Variants in NETO1 observed in about 807,000 individuals in gnomAD.
NETO1 encodes neuropilin and tolloid like 1.
A neutral mutation model predicts 61.3 loss-of-function variants in NETO1; 26 were observed. That is an observed-to-expected ratio of 0.42 (90% CI 0.31 to 0.59). The LOEUF is 0.59. Ranked by LOEUF, NETO1 falls within the 20% of genes least tolerant of loss-of-function variation. NETO1 has a pLI of 0.12. For synonymous variants in NETO1, 225 were observed against 225.8 expected, an observed-to-expected ratio of 1.00 and a Z score of 0.03; for missense variants, 531 against 662.8, an observed-to-expected ratio of 0.80 and a Z score of 2.18.
chr18:72,799,592 C>T (rs2145308511), intron 4 of NETO1, among the ~76,000 whole-genome samples: 1 of 152,200 alleles, frequency 6.6e-6, no homozygotes, highest in East Asian at 1.9e-4. Flanking sequence ...TACAGAAATG[C>T]TGTGCTGGCT....
Position 72,867,548 on chromosome 18 carries a change from T to C in NETO1, c.-257A>G, listed in dbSNP as rs2145716682. On this transcript the variant is annotated 5_prime_UTR_variant, in exon 1 of 11. An upstream start codon of the reference 5' UTR is lost. Coordinates refer to ENST00000327305, the MANE Select transcript of NETO1 (RefSeq NM_138966.5). The stretch of plus-strand genomic sequence containing the variant: ...CCTCAGCGCCGCGCAGCCAGCAGCA[T>C]CCCCACCGTGACGCTCGCATCACAC... 2.8e-6 allele frequency: 1 copy of C among 360,408 alleles called. No individual in the cohort carries two copies. The highest frequency in any genetic ancestry group is 4.0e-5 in the East Asian group (1 of 25,068). The allele number at this position is 360,408 out of a possible 1,614,324, so 22.3% of individuals were successfully genotyped here. A position where few individuals can be genotyped will look rare whatever the true frequency, so the allele number is the denominator to read the frequency against.
intron 7 of NETO1, among the ~76,000 whole-genome samples, chr18:72,772,825 CTATATATATATATATATATATATATA>C (rs59339805): frequency 0.29 from 11,643 of 40,840 alleles, 1,213 homozygotes; most frequent in Middle Eastern, 0.51. Flanking sequence ...CTCTCTCTCT[CTATATATATATATATATATATATATA>C]TATATATATA....
At chr18:72,797,005 C>A (rs2072338679) in intron 4 of NETO1, among the ~76,000 whole-genome samples, 1 of 152,126 alleles carries the variant, frequency 6.6e-6, no homozygotes, top group African/African-American at 2.4e-5. Flanking sequence ...TCTCATCAAG[C>A]AGTTCCATTG....
intron 7 of NETO1, among the ~76,000 whole-genome samples, chr18:72,760,777 G>C (rs1411953600): frequency 6.6e-6 from 1 of 152,144 alleles, no homozygotes; most frequent in East Asian, 1.9e-4. Flanking sequence ...AACCGTTTTA[G>C]GAGAGTACTG....
At position 72,772,792 on chromosome 18, in the gene NETO1, GTTCTCTCT is replaced by G. The variant is rs1409203275; in HGVS notation, c.868+10878_868+10885del. Among the ~76,000 whole-genome samples the G allele has an allele frequency of 1.2e-3, 47 of 40,660 alleles. 2 individuals carry two copies. The highest frequency in any genetic ancestry group is 3.6e-3 in the East Asian group (4 of 1,126). 26.7% of individuals were successfully genotyped at this position (40,660 alleles called of 152,430 possible). On this transcript the variant is annotated intron_variant, in intron 7 of 10. Transcript: ENST00000327305. The stretch of plus-strand genomic sequence containing the variant: ...ATATATATATACAGATCTCTATATA[GTTCTCTCT>G]CTCTCTCTCTCTCTCTCTCTCTCTC...
At chr18:72,781,568 G>A (rs2071741740) in intron 7 of NETO1, among the ~76,000 whole-genome samples, 1 of 152,164 alleles carries the variant, frequency 6.6e-6, no homozygotes, top group African/African-American at 2.4e-5. Context: ...AGATGATGGT[G>A]TCAAGACTTA....
chr18:72,813,272 T>C (rs2072927585), intron 4 of NETO1, among the ~76,000 whole-genome samples: 1 of 152,184 alleles, frequency 6.6e-6, no homozygotes, highest in Non-Finnish European at 1.5e-5. Context: ...TCTTAAACCA[T>C]ACATTTAAGT....
Position 72,747,418 on chromosome 18 carries a change from T to G in NETO1, c.*761A>C, listed in dbSNP as rs2070453670. On this transcript the variant is annotated 3_prime_UTR_variant, in exon 11 of 11. Transcript: ENST00000327305. Reference sequence around the variant, plus strand: ...AGGGTATTTTCTCAAACTGTCAATTTGGTCATATTGCTGAGTGCTTAATCA... The same window carrying G: ...AGGGTATTTTCTCAAACTGTCAATTGGGTCATATTGCTGAGTGCTTAATCA... 1 of 152,050 alleles carries G rather than the reference T, an allele frequency of 6.6e-6. No homozygotes were observed. Among genetic ancestry groups the G allele is most frequent in the South Asian group, 2.1e-4 (1 of 4,834 alleles). 9.4% of individuals were successfully genotyped at this position (152,050 alleles called of 1,614,324 possible). A position where few individuals can be genotyped will look rare whatever the true frequency, so the allele number is the denominator to read the frequency against.
intron 4 of NETO1, among the ~76,000 whole-genome samples, chr18:72,836,771 T>C (rs1163366338): frequency 6.6e-6 from 1 of 152,194 alleles, no homozygotes; most frequent in Non-Finnish European, 1.5e-5. Flanking sequence ...ACTAAGCTAC[T>C]GAGCAATTTT....
At chr18:72,824,420 T>C (rs1240820455) in intron 4 of NETO1, among the ~76,000 whole-genome samples, 2 of 152,226 alleles carry the variant, frequency 1.3e-5, no homozygotes, top group East Asian at 1.9e-4. Context: ...TGGCTCTGTA[T>C]ACATAGTACA....
chr18:72,863,709 GC>G (rs1455879463), intron 3 of NETO1, among the ~76,000 whole-genome samples: 1 of 152,024 alleles, frequency 6.6e-6, no homozygotes, highest in Non-Finnish European at 1.5e-5. Context: ...TGAACAGAAA[GC>G]CTGCTTCTTT....
intron 4 of NETO1, among the ~76,000 whole-genome samples, chr18:72,813,582 T>C (rs1406201665): frequency 1.3e-5 from 2 of 152,112 alleles, no homozygotes; most frequent in Admixed American, 6.6e-5. Flanking sequence ...CTGCAGGGAA[T>C]AGGAAACTAC....
At chr18:72,798,087 C>T (rs1007507683) in intron 4 of NETO1, among the ~76,000 whole-genome samples, 6 of 152,226 alleles carry the variant, frequency 3.9e-5, no homozygotes, top group African/African-American at 1.4e-4. Flanking sequence ...TAATCAAGAA[C>T]TTCTCTAAGG....
At chr18:72,836,473 C>T (rs557327851) in intron 4 of NETO1, among the ~76,000 whole-genome samples, 1 of 152,244 alleles carries the variant, frequency 6.6e-6, no homozygotes, top group East Asian at 1.9e-4. Flanking sequence ...AGACTGAGGT[C>T]CACATTGGTC....
At chr18:72,821,558 T>TAAAA in intron 4 of NETO1, among the ~76,000 whole-genome samples, 1 of 46,758 alleles carries the variant, frequency 2.1e-5, no homozygotes, top group African/African-American at 1.5e-4. Flanking sequence ...AGGGTGAAAC[T>TAAAA]CAAAAAAAAA....
intron 4 of NETO1, among the ~76,000 whole-genome samples, chr18:72,849,303 A>C (rs537301515): frequency 5.9e-5 from 9 of 152,340 alleles, no homozygotes; most frequent in African/African-American, 1.9e-4. Context: ...TAACAGATAT[A>C]CCCTTTCCGT....
chr18:72,771,929 G>A (rs1026214444), intron 7 of NETO1, among the ~76,000 whole-genome samples: 5 of 152,046 alleles, frequency 3.3e-5, no homozygotes, highest in East Asian at 1.9e-4. Context: ...AGAAGTCCAG[G>A]CAGGGCTCAA....
intron 6 of NETO1, among the ~76,000 whole-genome samples, chr18:72,788,080 T>C (rs1272119610): frequency 6.6e-6 from 1 of 152,190 alleles, no homozygotes; most frequent in Non-Finnish European, 1.5e-5. Context: ...AATTTGCATA[T>C]TGGCCCTATA....
chr18:72,776,242 G>A (rs949127186), intron 7 of NETO1, among the ~76,000 whole-genome samples: 5 of 152,078 alleles, frequency 3.3e-5, no homozygotes, highest in African/African-American at 9.7e-5. Context: ...AACCCATATC[G>A]TAGAAACTAA....
Sources: allele counts gnomAD v4.1 joint callset (sites outside exome capture counted in the v4.1 genomes callset), GRCh38; gene constraint gnomAD v4.1.1; transcripts MANE v1.5; gene names NCBI Gene and HGNC (gene_info 2026-07-23, HGNC 2026-07-21).